The following SGCD variants were observed in gnomAD, a reference collection of about 807,000 sequenced individuals.
SGCD encodes delta-sarcoglycan.
In SGCD, 18 loss-of-function variants were observed where a neutral mutation model predicts 36.6. That is an observed-to-expected ratio of 0.49 (90% CI 0.34 to 0.73). The LOEUF (loss-of-function observed/expected upper bound fraction) is 0.73. Among genes scored for constraint, SGCD ranks in the 30% least tolerant of loss-of-function variants. The pLI, the probability that SGCD is intolerant of heterozygous loss-of-function variation, is 0.01. For missense variants in SGCD, 387 were observed against 346.7 expected, an observed-to-expected ratio of 1.12 and a Z score of -0.92; for synonymous variants, 133 against 130.6, an observed-to-expected ratio of 1.02 and a Z score of -0.12.
At chr5:156,390,654 C>T (rs543861426) in intron 3 of SGCD, among the ~76,000 whole-genome samples, 69 of 152,068 alleles carry the variant, frequency 4.5e-4, no homozygotes, top group Middle Eastern at 6.8e-3. Flanking sequence ...CACTTGAACC[C>T]GGGAGGCAGA....
chr5:156,094,688 C>G (rs1761333991), intron 1 of SGCD, among the ~76,000 whole-genome samples: 1 of 152,130 alleles, frequency 6.6e-6, no homozygotes, highest in Non-Finnish European at 1.5e-5. Flanking sequence ...CAAGGGGCTT[C>G]TGGGGAGGAA....
chr5:156,520,029 G>C (rs1757334073), intron 4 of SGCD, among the ~76,000 whole-genome samples: 1 of 152,124 alleles, frequency 6.6e-6, no homozygotes, highest in African/African-American at 2.4e-5. Flanking sequence ...AGTCCACCAA[G>C]AGAAAGAAAT....
intron 6 of SGCD, among the ~76,000 whole-genome samples, chr5:156,633,336 C>G (rs1447570792): frequency 1.3e-5 from 2 of 152,174 alleles, no homozygotes; most frequent in Non-Finnish European, 2.9e-5. Context: ...GGCCCTTTAA[C>G]AGAAAAGCAG....
intron 3 of SGCD, among the ~76,000 whole-genome samples, chr5:156,205,665 C>A (rs1362725194): frequency 1.3e-5 from 2 of 152,002 alleles, no homozygotes; most frequent in Admixed American, 6.6e-5. Context: ...GATATATATA[C>A]TTTTCCATAA....
At chr5:156,539,993 A>G (rs1183981457) in intron 4 of SGCD, among the ~76,000 whole-genome samples, 3 of 152,186 alleles carry the variant, frequency 2.0e-5, no homozygotes, top group Non-Finnish European at 4.4e-5. Context: ...CATACAGAAC[A>G]CTAAGTGAAT....
At chr5:155,847,407 C>T in the SGCD span, among the ~76,000 whole-genome samples, 5 of 152,092 alleles carry the variant, frequency 3.3e-5, no homozygotes, top group Admixed American at 1.3e-4. Flanking sequence ...TGACTTATGG[C>T]ATAGTTATTT....
rs554262714 is a variant in SGCD at position 156,196,068 on chromosome 5, C to A, written c.-44+72049C>A. On this transcript the variant is annotated intron_variant, in intron 3 of 9. Coordinates refer to the SGCD transcript ENST00000517913. Reference sequence around the variant, plus strand: ...AGTCTAGATCCCAGATCCCTTGGGGCTTCCTTGGAGATTCTTAGTTCTGAT... The same window carrying A: ...AGTCTAGATCCCAGATCCCTTGGGGATTCCTTGGAGATTCTTAGTTCTGAT... Among the ~76,000 whole-genome samples, 20 of 152,250 alleles carry A rather than the reference C, an allele frequency of 1.3e-4. No individual in the cohort carries two copies. In the East Asian group the frequency reaches 3.7e-3, roughly 28 times the overall value.
chr5:156,308,457 C>A (rs535962996), intron 3 of SGCD, among the ~76,000 whole-genome samples: 1 of 152,110 alleles, frequency 6.6e-6, no homozygotes, highest in Non-Finnish European at 1.5e-5. Context: ...TGCCACTACG[C>A]CTGGCTAATT....
the SGCD span, among the ~76,000 whole-genome samples, chr5:155,762,607 G>T: frequency 6.6e-6 from 1 of 152,100 alleles, no homozygotes; most frequent in Non-Finnish European, 1.5e-5. Flanking sequence ...TATTAATGCT[G>T]CTACATATAA....
At chr5:156,448,524 A>T (rs186538755) in intron 3 of SGCD, among the ~76,000 whole-genome samples, 69 of 152,232 alleles carry the variant, frequency 4.5e-4, no homozygotes, top group Middle Eastern at 3.4e-3. Context: ...TTCAGGGTTC[A>T]GAAGCATAAG....
rs145023093 is a variant in SGCD at position 155,903,491 on chromosome 5, A to C, written c.-282+33067A>C. On this transcript the variant is annotated intron_variant, in intron 1 of 9. Coordinates refer to the SGCD transcript ENST00000517913. Reference sequence around the variant, plus strand: ...CAGGTAAACTCCATTGGTTCAGCCCATGCCCACCCATTATTCCAGTAGAAA... The same window carrying C: ...CAGGTAAACTCCATTGGTTCAGCCCCTGCCCACCCATTATTCCAGTAGAAA... Among the ~76,000 whole-genome samples, 356 of 152,286 alleles carry C rather than the reference A, an allele frequency of 2.3e-3. 3 individuals carry two copies. The highest frequency in any genetic ancestry group is 8.2e-3 in the African/African-American group (341 of 41,570).
chr5:156,196,208 T>A (rs1343478251), intron 3 of SGCD, among the ~76,000 whole-genome samples: 1 of 152,214 alleles, frequency 6.6e-6, no homozygotes, highest in Non-Finnish European at 1.5e-5. Context: ...ATATAGCTCT[T>A]GATCCACTTC....
chr5:156,390,482 C>T (rs1189471183), intron 3 of SGCD, among the ~76,000 whole-genome samples: 1 of 152,180 alleles, frequency 6.6e-6, no homozygotes, highest in Non-Finnish European at 1.5e-5. Flanking sequence ...ATTCCCAGCA[C>T]TTTGGGAGGC....
chr5:155,962,970 G>A (rs921805558), intron 1 of SGCD, among the ~76,000 whole-genome samples: 3 of 152,046 alleles, frequency 2.0e-5, no homozygotes, highest in Non-Finnish European at 4.4e-5. Context: ...ATTCTTTTGA[G>A]GCACAAAAGA....
chr5:156,355,811 A>AT (rs1769465055), intron 3 of SGCD, among the ~76,000 whole-genome samples: 1 of 152,112 alleles, frequency 6.6e-6, no homozygotes, highest in African/African-American at 2.4e-5. Flanking sequence ...TAATTTTTGT[A>AT]TTTTTAATAG....
chr5:156,096,069 T>G (rs1761367193), intron 1 of SGCD, among the ~76,000 whole-genome samples: 1 of 152,168 alleles, frequency 6.6e-6, no homozygotes, highest in Non-Finnish European at 1.5e-5. Flanking sequence ...GAAGGGACAT[T>G]GCCCAAGACA....
intron 3 of SGCD, among the ~76,000 whole-genome samples, chr5:156,132,017 G>A (rs1340663208): frequency 1.3e-5 from 2 of 152,176 alleles, no homozygotes; most frequent in Non-Finnish European, 2.9e-5. Context: ...CAAGCTAACA[G>A]TGCTTTTCCT....
At chr5:155,749,644 G>A in the SGCD span, among the ~76,000 whole-genome samples, 10 of 152,198 alleles carry the variant, frequency 6.6e-5, no homozygotes, top group Non-Finnish European at 1.2e-4. Context: ...AAAAGGGAAG[G>A]CAGCAGACAG....
At chr5:156,714,449 T>G (rs1331412438) in intron 7 of SGCD, among the ~76,000 whole-genome samples, 2 of 152,210 alleles carry the variant, frequency 1.3e-5, no homozygotes, top group African/African-American at 4.8e-5. Context: ...TGAGGTACAG[T>G]CCTGTTGGCT....
Sources: allele counts gnomAD v4.1 joint callset (sites outside exome capture counted in the v4.1 genomes callset), GRCh38; gene constraint gnomAD v4.1.1; transcripts MANE v1.5; gene names NCBI Gene and HGNC (gene_info 2026-07-23, HGNC 2026-07-21).